USP18: variants seen among roughly 807,000 people sequenced by gnomAD.
USP18 encodes the protein ubl carboxyl-terminal hydrolase 18.
Under a neutral mutation model 48.7 loss-of-function variants are expected in USP18, and 11 were observed. The ratio of observed to expected loss-of-function variants is 0.23; its 90% CI spans 0.14 to 0.37. USP18 has a LOEUF of 0.37. Ranked by LOEUF, USP18 falls within the 10% of genes least tolerant of loss-of-function variation. The pLI, the probability that USP18 is intolerant of heterozygous loss-of-function variation, is 1.00. For missense variants in USP18, 285 were observed against 436.4 expected (o/e 0.65, Z 3.09); for synonymous variants, 114 against 163.2 (o/e 0.70, Z 2.30).
Position 18,173,951 on chromosome 22 carries a change from G to A in USP18, c.1073+109G>A, listed in dbSNP as rs1397391574. ...GTTACTAACATGCTGATGGCTCACT[G>A]TCCGCCTCATCTCCAGCACTCACCC... On this transcript the variant is annotated intron_variant, in intron 10 of 10. Transcript: ENST00000215794. 4 of 1,502,994 alleles carry A rather than the reference G, an allele frequency of 2.7e-6. No homozygotes were observed. The East Asian group carries it at 9.4e-5, about 35-fold the overall frequency. 93.1% of individuals were successfully genotyped at this position (1,502,994 alleles called of 1,614,324 possible).
At chr22:18,156,800 A>G (rs1423182387) in intron 1 of USP18, among the ~76,000 whole-genome samples, 1 of 152,252 alleles carries the variant, frequency 6.6e-6, no homozygotes, top group Non-Finnish European at 1.5e-5. Flanking sequence ...TAAGAACTGT[A>G]ACACTCACTG....
Position 18,173,819 on chromosome 22 carries a change from C to G in USP18, c.1050C>G (p.Thr350=). 2 of 1,605,184 alleles carry G rather than the reference C, an allele frequency of 1.2e-6. No homozygotes were observed. The highest frequency in any genetic ancestry group is 1.7e-6 in the Non-Finnish European group (2 of 1,173,226). ...TGTCCTGGGAAGACATCCAGTGTAC[C>G]TACGGAAATCCTAACTACCACTGGT... ...CLVSWEDIQC[T]YGNPNYHWQE... is the part of the protein sequence containing the mutation. The change falls in exon 10 of 11, where the codon ACC becomes ACG. Residue 350 remains threonine (T), a synonymous_variant. Transcript: ENST00000215794.
At chr22:18,174,644 T>A (rs1929733116) in intron 10 of USP18, among the ~76,000 whole-genome samples, 1 of 151,442 alleles carries the variant, frequency 6.6e-6, no homozygotes, top group East Asian at 1.9e-4. Context: ...GCTGGAGCAC[T>A]GTGGTGTGAT....
At chr22:18,171,191 G>A (rs973566200) in intron 8 of USP18, among the ~76,000 whole-genome samples, 1 of 65,960 alleles carries the variant, frequency 1.5e-5, no homozygotes, top group African/African-American at 8.0e-5. Context: ...TGGGTTCATA[G>A]TACCAACCAA....
intron 1 of USP18, among the ~76,000 whole-genome samples, chr22:18,154,626 A>C (rs1371955753): frequency 9.3e-6 from 1 of 107,502 alleles, no homozygotes. Context: ...TTTTTTTTAG[A>C]GATGGGGTCT....
intron 1 of USP18, among the ~76,000 whole-genome samples, chr22:18,155,260 A>G (rs956266126): frequency 1.3e-5 from 2 of 152,180 alleles, no homozygotes; most frequent in Non-Finnish European, 2.9e-5. Context: ...GTGGGGTGAG[A>G]TCTGCCTGTG....
chr22:18,167,089 T>C (rs1459252707), intron 4 of USP18, among the ~76,000 whole-genome samples, 166 bp from the exon 5 acceptor site: 2 of 152,154 alleles, frequency 1.3e-5, no homozygotes, highest in East Asian at 1.9e-4. Context: ...CCAAACTTAC[T>C]GTTCATTTAT....
intron 5 of USP18, among the ~76,000 whole-genome samples, chr22:18,167,642 G>T (rs533910593): frequency 6.8e-6 from 1 of 146,666 alleles, no homozygotes; most frequent in East Asian, 2.0e-4. Flanking sequence ...AGCTTGCAGT[G>T]AGCCGAGATC....
Position 18,160,234 on chromosome 22 carries a change from G to C in USP18, c.220G>C (p.Val74Leu). The change falls in exon 3 of 11, where the codon GTA becomes CTA. Residue 74 changes from valine to leucine, a missense_variant. Physicochemically the swap from Val to Leu is conservative, Grantham distance 32. Around this residue, in one of 5 missense-constraint regions of USP18, gnomAD observed 199 missense variants for 239.6 expected, o/e 0.83. Coordinates refer to ENST00000215794, the MANE Select transcript of USP18 (RefSeq NM_017414.4). ...CCTTAACTCCTTGATTCAGGTGTTC[G>C]TAATGAATGTGGACTTCACCAGGAT... ...CCLNSLIQVF[V>L]MNVDFTRILK... 6.2e-7 allele frequency: 1 copy of C among 1,614,162 alleles called. No homozygotes were observed. The highest frequency in any genetic ancestry group is 8.5e-7 in the Non-Finnish European group (1 of 1,180,016).
intron 6 of USP18, 42 bp from the exon 7 acceptor site, chr22:18,169,802 A>C (rs1295353075): frequency 6.5e-7 from 1 of 1,549,016 alleles, no homozygotes; most frequent in Admixed American, 1.9e-5. Flanking sequence ...CTAGGTGGGA[A>C]ATACCAACGC....
At chr22:18,174,105 C>G (rs989290292) in intron 10 of USP18, among the ~76,000 whole-genome samples, 1 of 152,140 alleles carries the variant, frequency 6.6e-6, no homozygotes, top group African/African-American at 2.4e-5. Flanking sequence ...GTCCTCTCCT[C>G]GTTTACCATC....
intron 1 of USP18, among the ~76,000 whole-genome samples, chr22:18,152,613 C>T (rs984206079): frequency 4.6e-5 from 7 of 151,992 alleles, no homozygotes; most frequent in Admixed American, 6.6e-5. Flanking sequence ...TTGAAAATCC[C>T]CTTCCTTGGA....
intron 1 of USP18, among the ~76,000 whole-genome samples, chr22:18,154,855 A>G (rs963017758): frequency 4.6e-5 from 7 of 152,090 alleles, no homozygotes; most frequent in Non-Finnish European, 8.8e-5. Context: ...CTGTGCATTG[A>G]CATAGGTACC....
At chr22:18,173,458 A>G (rs1032289268) in intron 9 of USP18, among the ~76,000 whole-genome samples, 177 bp downstream of exon 9, 1 of 151,906 alleles carries the variant, frequency 6.6e-6, no homozygotes, top group Admixed American at 6.6e-5. Context: ...TGTGGTTTGC[A>G]CCTCTGTAAG....
At chr22:18,174,371 G>C (rs1929723457) in intron 10 of USP18, among the ~76,000 whole-genome samples, 1 of 151,876 alleles carries the variant, frequency 6.6e-6, no homozygotes, top group Non-Finnish European at 1.5e-5. Flanking sequence ...GGGACTACAG[G>C]TGTGTGCCAC....
At chr22:18,167,564 G>A (rs1929507077) in intron 5 of USP18, among the ~76,000 whole-genome samples, 1 of 152,002 alleles carries the variant, frequency 6.6e-6, no homozygotes, top group African/African-American at 2.4e-5. Flanking sequence ...TGGGCGTGGT[G>A]GCGGGAGCCT....
chr22:18,150,981 A>G (rs1048700465), intron 1 of USP18, among the ~76,000 whole-genome samples: 4 of 152,192 alleles, frequency 2.6e-5, no homozygotes, highest in African/African-American at 9.6e-5. Flanking sequence ...GATACATGGT[A>G]TGGGAAGTAC....
chr22:18,168,100 C>A, intron 6 of USP18, 64 bp downstream of exon 6: 1 of 1,593,752 alleles, frequency 6.3e-7, no homozygotes, highest in Non-Finnish European at 8.6e-7. Context: ...GTTGTTATAA[C>A]TCAATATCTG....
At chr22:18,151,266 T>G (rs903879501) in intron 1 of USP18, among the ~76,000 whole-genome samples, 14 of 152,220 alleles carry the variant, frequency 9.2e-5, no homozygotes, top group Non-Finnish European at 2.1e-4. Flanking sequence ...AACTCCATTT[T>G]GAGACCCCTG....
Sources: gnomAD v4.1 joint callset for allele counts (sites outside exome capture counted in the v4.1 genomes callset) on GRCh38, gnomAD v4.1.1 for gene constraint, gnomAD v4.1.1 regional missense constraint, MANE v1.5 for transcripts, NCBI Gene and HGNC (gene_info 2026-07-23, HGNC 2026-07-21) for gene names.